TTYH3: variants seen among roughly 807,000 people sequenced by gnomAD.
TTYH3 encodes the protein tweety family member 3.
A neutral mutation model predicts 68.2 loss-of-function variants in TTYH3; 23 were observed. The observed-to-expected ratio is 0.34, with a 90% confidence interval of 0.24 to 0.48. The LOEUF (loss-of-function observed/expected upper bound fraction) is 0.48. Among genes scored for constraint, TTYH3 ranks in the 20% least tolerant of loss-of-function variants. TTYH3 has a pLI of 0.99. For missense variants in TTYH3, 768 were observed against 727.7 expected, an observed-to-expected ratio of 1.06 and a Z score of -0.64; for synonymous variants, 360 against 332.8, an observed-to-expected ratio of 1.08 and a Z score of -0.89.
chr7:2,646,768 C>T, intron 1 of TTYH3, 85 bp from the exon 2 acceptor site: 2 of 1,408,790 alleles, frequency 1.4e-6, no homozygotes, highest in Non-Finnish European at 1.9e-6. Context: ...AAATGGGAGT[C>T]TGCGCCAGGT....
chr7:2,640,616 G>A lies in TTYH3; in HGVS notation c.124-6237G>A, dbSNP rs374690835. 2.1e-3 allele frequency among the ~76,000 whole-genome samples: 313 copies of A among 152,338 alleles called. 2 individuals carry two copies. Among genetic ancestry groups the A allele is most frequent in the African/African-American group, 7.1e-3 (296 of 41,588 alleles). The stretch of plus-strand genomic sequence containing the variant: ...TCCCACCTTGGCAGCCTGGTGTGGT[G>A]TGGCCTGTGCTGGCGCTGAGCCTGG... On this transcript the variant is annotated intron_variant, in intron 1 of 13. Transcript: ENST00000258796.
rs1246372535 is a variant in TTYH3 at position 2,664,454 on chromosome 7, A to G, written c.*2715A>G. The stretch of plus-strand genomic sequence containing the variant: ...AACCATAATGGTTGTGTACTGAACC[A>G]CTTCATATTTGTTATATATAATATA... On this transcript the variant is annotated 3_prime_UTR_variant, in exon 14 of 14. Transcript: ENST00000258796. 1 of 151,890 alleles carries G rather than the reference A, an allele frequency of 6.6e-6. No homozygotes were observed. Among genetic ancestry groups the G allele is most frequent in the African/African-American group, 2.4e-5 (1 of 41,268 alleles). 9.4% of individuals were successfully genotyped at this position (151,890 alleles called of 1,614,324 possible).
chr7:2,641,878 G>A (rs768255945), intron 1 of TTYH3, among the ~76,000 whole-genome samples: 9 of 152,226 alleles, frequency 5.9e-5, no homozygotes, highest in Non-Finnish European at 1.0e-4. Flanking sequence ...GCAGCTGCCC[G>A]GTTTGCTGAG....
In TTYH3 at chr7:2,661,987, C is replaced by T. The variant is rs990738771; in HGVS notation, c.*248C>T. The stretch of plus-strand genomic sequence containing the variant: ...TGCCAGCCGATGCCCCAGCCCTGCA[C>T]GCCACCCACTATCCCGGCACGCTCC... On this transcript the variant is annotated 3_prime_UTR_variant, in exon 14 of 14. Transcript: ENST00000258796. 12 of 595,916 alleles carry T rather than the reference C, an allele frequency of 2.0e-5. No homozygotes were observed. The highest frequency in any genetic ancestry group is 5.6e-5 in the African/African-American group (3 of 53,592). 36.9% of individuals were successfully genotyped at this position (595,916 alleles called of 1,614,324 possible). A position where few individuals can be genotyped will look rare whatever the true frequency, so the allele number is the denominator to read the frequency against.
At position 2,649,961 on chromosome 7, in the gene TTYH3, G is replaced by T. The variant is rs1342683025; in HGVS notation, c.844G>T (p.Val282Leu). ...VDPDAYVTKM[V>L]EEYSVLSGDI... ...CCCTGACGCCTACGTGACCAAAATGGTGGAGGAGTACTCGGTGCTGAGTGG... is the reference window on the plus strand; with the variant it reads ...CCCTGACGCCTACGTGACCAAAATGTTGGAGGAGTACTCGGTGCTGAGTGG... Residue 282 changes from valine (V) to leucine (L), a missense_variant, in exon 7 of 14, where the codon GTG becomes TTG. Coordinates refer to ENST00000258796, the MANE Select transcript of TTYH3 (RefSeq NM_025250.3). The T allele has an allele frequency of 3.7e-6, 6 of 1,613,948 alleles. No individual in the cohort carries two copies. The Admixed American group carries it at 5.0e-5, about 13-fold the overall frequency.
At chr7:2,633,940 G>A (rs756359885) in intron 1 of TTYH3, among the ~76,000 whole-genome samples, 4 of 152,198 alleles carry the variant, frequency 2.6e-5, no homozygotes, top group Non-Finnish European at 5.9e-5. Context: ...AAGAGCCTCC[G>A]GGCAGTAGCC....
chr7:2,660,565 G>A (rs540832241), intron 13 of TTYH3: 66 of 565,112 alleles, frequency 1.2e-4, no homozygotes, highest in African/African-American at 6.4e-4. Flanking sequence ...GTCCCGCCCC[G>A]TCCCGCCCCC....
Position 2,637,766 on chromosome 7 carries a change from C to T in TTYH3, c.123+5488C>T, listed in dbSNP as rs572779938. Among the ~76,000 whole-genome samples the T allele has an allele frequency of 1.4e-4, 22 of 152,118 alleles. 1 individual carries two copies. The highest frequency in any genetic ancestry group is 2.1e-4 in the South Asian group (1 of 4,830). On this transcript the variant is annotated intron_variant, in intron 1 of 13. Transcript: ENST00000258796. ...GAGGGCCTCCTGTACCCGGGCCTGCCGCTATGTTCTGCAGGGAGCCCACCC... is the reference window on the plus strand; with the variant it reads ...GAGGGCCTCCTGTACCCGGGCCTGCTGCTATGTTCTGCAGGGAGCCCACCC...
chr7:2,660,638 C>T (rs1413446276), intron 13 of TTYH3: 3 of 864,874 alleles, frequency 3.5e-6, no homozygotes, highest in Non-Finnish European at 4.2e-6. Context: ...GCTCCTCCCC[C>T]CACCCCCTCC....
chr7:2,643,227 T>C (rs375606367), intron 1 of TTYH3, among the ~76,000 whole-genome samples: 97 of 151,028 alleles, frequency 6.4e-4, no homozygotes, highest in East Asian at 5.6e-3. Context: ...TGGTGGCGGG[T>C]GCCTGTAGTC....
chr7:2,640,873 G>A (rs1785822790), intron 1 of TTYH3, among the ~76,000 whole-genome samples: 1 of 152,254 alleles, frequency 6.6e-6, no homozygotes, highest in East Asian at 1.9e-4. Flanking sequence ...CACCTGTGCA[G>A]GCAGCCAGGT....
At chr7:2,647,669 C>T in intron 4 of TTYH3, 31 bp downstream of exon 4, 12 of 1,534,870 alleles carry the variant, frequency 7.8e-6, no homozygotes, top group Non-Finnish European at 1.1e-5. Flanking sequence ...CTGCCCGCCC[C>T]ACGTGGGAAA....
chr7:2,660,535 C>T (rs952067977), intron 13 of TTYH3: 44 of 985,328 alleles, frequency 4.5e-5, no homozygotes, highest in Admixed American at 6.1e-5. Context: ...GGGGTCTGCG[C>T]GTCTGCCCCG....
rs1257062785 is a variant in TTYH3, at chr7:2,645,117, G to C, written c.124-1736G>C. Among the ~76,000 whole-genome samples the C allele has an allele frequency of 5.9e-5, 1 of 16,820 alleles. No homozygotes were observed. The highest frequency in any genetic ancestry group is 1.1e-4 in the Non-Finnish European group (1 of 9,152). The allele number at this position is 16,820 out of a possible 152,430, so 11.0% of individuals were successfully genotyped here. ...CACAACACTGAGGGCCCCAGCTGCTGACACCCCCCAGGGCACCCCCAAGTT... is the reference window on the plus strand; with the variant it reads ...CACAACACTGAGGGCCCCAGCTGCTCACACCCCCCAGGGCACCCCCAAGTT... On this transcript the variant is annotated intron_variant, in intron 1 of 13. Transcript: ENST00000258796. The surrounding 1 kb of genome is among the most constrained non-coding windows in gnomAD (Gnocchi z 4.8).
chr7:2,658,326 C>T lies in TTYH3; in HGVS notation c.1291C>T (p.Pro431Ser), dbSNP rs1358242885. The T allele has an allele frequency of 3.7e-6, 6 of 1,600,986 alleles. No individual in the cohort carries two copies. In the South Asian group the frequency reaches 6.7e-5, roughly 18 times the overall value. Reference sequence around the variant, plus strand: ...CGGGGAGGAGGAGGCCGCTCCAGGGCCGCGGCAGGCGCACGACAGCCTCTA... The same window carrying T: ...CGGGGAGGAGGAGGCCGCTCCAGGGTCGCGGCAGGCGCACGACAGCCTCTA... ...EDGEEEAAPGPRQAHDSLYRV... is the reference protein window; with the variant it reads ...EDGEEEAAPGSRQAHDSLYRV... Residue 431 changes from proline (P) to serine (S), a missense_variant, in exon 12 of 14, where the codon CCG becomes TCG. Transcript: ENST00000258796.
intron 7 of TTYH3, among the ~76,000 whole-genome samples, chr7:2,651,091 G>A (rs1786163304): frequency 6.6e-6 from 1 of 152,064 alleles, no homozygotes; most frequent in Non-Finnish European, 1.5e-5. Context: ...GATGTGTGTC[G>A]GACGGCACAG....
chr7:2,647,791 T>A, intron 4 of TTYH3, 153 bp downstream of exon 4: 1 of 1,068,208 alleles, frequency 9.4e-7, no homozygotes, highest in African/African-American at 1.6e-5. Flanking sequence ...GGAGTTCCCC[T>A]AATGGGAGCC....
chr7:2,650,055 G>A, intron 7 of TTYH3, 67 bp downstream of exon 7: 2 of 1,562,468 alleles, frequency 1.3e-6, no homozygotes, highest in Non-Finnish European at 1.8e-6. Context: ...AAAGAGTGGG[G>A]TAGCTGAGGC....
chr7:2,649,881 C>T (rs184822852), intron 6 of TTYH3, 32 bp from the exon 7 acceptor site: 73 of 1,612,840 alleles, frequency 4.5e-5, no homozygotes, highest in Non-Finnish European at 5.3e-5. Flanking sequence ...CCAGCTTGGT[C>T]AACCCCTCTT....
Sources: allele counts gnomAD v4.1 joint callset (sites outside exome capture counted in the v4.1 genomes callset), GRCh38; gene constraint gnomAD v4.1.1; non-coding constraint Gnocchi (gnomAD v3.1); transcripts MANE v1.5; gene names NCBI Gene and HGNC (gene_info 2026-07-23, HGNC 2026-07-21).